The following CTSC variants were observed in gnomAD, a reference collection of about 807,000 sequenced individuals.
CTSC encodes dipeptidyl peptidase 1.
Under a neutral mutation model 40.9 loss-of-function variants are expected in CTSC, and 37 were observed. That is an observed-to-expected ratio of 0.91 (90% CI 0.70 to 1.19). The LOEUF is 1.19. Among genes scored for constraint, CTSC ranks in the 50% most tolerant of loss-of-function variants. The pLI is 0.00. For synonymous variants in CTSC, 232 were observed against 207.4 expected (o/e 1.12, Z -1.02); for missense variants, 594 against 567.3 (o/e 1.05, Z -0.48).
At chr11:88,331,625 C>G (rs1938358368) in intron 2 of CTSC, among the ~76,000 whole-genome samples, 1 of 152,062 alleles carries the variant, frequency 6.6e-6, no homozygotes, top group African/African-American at 2.4e-5. Flanking sequence ...TCTTCTTGGG[C>G]TTTTATGGAG....
intron 2 of CTSC, chr11:88,324,799 T>C (rs1409627423): frequency 6.1e-6 from 6 of 985,130 alleles, no homozygotes; most frequent in Non-Finnish European, 7.2e-6. Context: ...GTCATCAAGG[T>C]CCTGAGTGAT....
chr11:88,326,192 A>T (rs1448309261), intron 2 of CTSC: 1 of 1,372,430 alleles, frequency 7.3e-7, no homozygotes, highest in Non-Finnish European at 9.4e-7. Context: ...CTGGTTGTTC[A>T]CATTCCAAAA....
chr11:88,326,349 T>C, intron 2 of CTSC: 1 of 1,613,612 alleles, frequency 6.2e-7, no homozygotes, highest in South Asian at 1.1e-5. Context: ...TACAGGTAGG[T>C]CCACACTGTC....
At chr11:88,296,694 A>G (rs1944302711) in intron 5 of CTSC, 2 of 273,546 alleles carry the variant, frequency 7.3e-6, no homozygotes, top group South Asian at 7.8e-5. Flanking sequence ...ATGAAGGTTT[A>G]TGTCCCTCTA....
intron 2 of CTSC, chr11:88,321,495 A>G (rs1376592774): frequency 6.6e-6 from 1 of 151,866 alleles, no homozygotes. Flanking sequence ...CATGTGTTCT[A>G]TTGTTCAGCT....
intron 2 of CTSC, chr11:88,321,086 G>A (rs1019279046): frequency 1.1e-4 from 109 of 964,732 alleles, no homozygotes; most frequent in Non-Finnish European, 1.2e-4. Flanking sequence ...AAATTACTCA[G>A]ATAAAAGAAC....
intron 1 of CTSC, among the ~76,000 whole-genome samples, chr11:88,335,427 C>T (rs1400148980): frequency 6.6e-6 from 1 of 152,018 alleles, no homozygotes; most frequent in Non-Finnish European, 1.5e-5. Flanking sequence ...TTTAAAAATT[C>T]GCTGGTTATG....
At chr11:88,306,679 C>T (rs1021017253) in intron 4 of CTSC, among the ~76,000 whole-genome samples, 3 of 152,222 alleles carry the variant, frequency 2.0e-5, no homozygotes, top group African/African-American at 7.2e-5. Context: ...AGAGCCACCT[C>T]CACCACTCAA....
chr11:88,302,098 G>A (rs187372484), intron 4 of CTSC, among the ~76,000 whole-genome samples: 29 of 152,232 alleles, frequency 1.9e-4, no homozygotes, highest in African/African-American at 6.5e-4. Flanking sequence ...TAGGGCACTA[G>A]TCACAATGTG....
intron 4 of CTSC, among the ~76,000 whole-genome samples, chr11:88,307,636 T>G (rs1001438074): frequency 6.6e-6 from 1 of 150,766 alleles, no homozygotes; most frequent in African/African-American, 2.4e-5. Context: ...TGGCAAATTT[T>G]ACAGTTACTG....
chr11:88,321,748 T>G (rs1012293739), intron 2 of CTSC: 2 of 152,216 alleles, frequency 1.3e-5, no homozygotes, highest in Admixed American at 6.5e-5. Context: ...AACATACATG[T>G]GCATGTATCT....
At position 88,294,212 on chromosome 11, in the gene CTSC, G is replaced by T; in HGVS notation, c.1186C>A (p.Pro396Thr). The T allele has an allele frequency of 6.2e-7, 1 of 1,613,902 alleles. No homozygotes were observed. Among genetic ancestry groups the T allele is most frequent in the Non-Finnish European group, 8.5e-7 (1 of 1,179,974 alleles). Residue 396 changes from proline (P) to threonine (T), a missense_variant, in exon 7 of 7, where the codon CCT becomes ACT. Physicochemically the swap from Pro to Thr is conservative, Grantham distance 38. Coordinates refer to ENST00000227266, the MANE Select transcript of CTSC (RefSeq NM_001814.6). ...TTAGTCAGCTCAAAGGGGTTGAAAG[G>T]GTCTCTTAGACCAGTGTGGTGGTAG... ...GIYHHTGLRD[P>T]FNPFELTNHA...
intron 5 of CTSC, chr11:88,298,347 C>G (rs1388561151): frequency 6.6e-6 from 1 of 152,162 alleles, no homozygotes; most frequent in Non-Finnish European, 1.5e-5. Flanking sequence ...CCTCTCATAC[C>G]TCAAAGTATT....
intron 2 of CTSC, among the ~76,000 whole-genome samples, chr11:88,319,366 T>TTGCTTTAGAAGCACATGCATCTGAAG: frequency 6.6e-6 from 1 of 152,160 alleles, no homozygotes; most frequent in Non-Finnish European, 1.5e-5. Flanking sequence ...AGTTAAAATT[T>TTGCTTTAGAAGCACATGCATCTGAAG]GTCTATTAAA....
At chr11:88,313,147 G>T (rs1937802169) in intron 2 of CTSC, among the ~76,000 whole-genome samples, 1 of 152,158 alleles carries the variant, frequency 6.6e-6, no homozygotes, top group African/African-American at 2.4e-5. Flanking sequence ...TTGGCTCACT[G>T]CAACTTGCAC....
intron 2 of CTSC, among the ~76,000 whole-genome samples, chr11:88,320,591 T>C (rs1338403842): frequency 6.6e-6 from 1 of 152,224 alleles, no homozygotes; most frequent in African/African-American, 2.4e-5. Flanking sequence ...TTTAGTAGTT[T>C]TGAAAGTTAG....
chr11:88,336,155 G>T (rs217079), intron 1 of CTSC, among the ~76,000 whole-genome samples: 118,599 of 150,946 alleles, frequency 0.79, 46,854 homozygotes, highest in East Asian at 1. Flanking sequence ...ATGTTTGAGA[G>T]TAATGCTCTG....
At position 88,336,242 on chromosome 11, in the gene CTSC, A is replaced by G. The variant is rs1938489672; in HGVS notation, c.173-1160T>C. Among the ~76,000 whole-genome samples the G allele has an allele frequency of 3.4e-5, 5 of 146,004 alleles. No individual in the cohort carries two copies. The Admixed American group carries it at 3.4e-4, about 10-fold the overall frequency. On this transcript the variant is annotated intron_variant, in intron 1 of 6. Transcript: ENST00000227266. ...CCCAACCTTCAAACTCAAATTTAAAAAAAAAAAAAAAAAAAAGGCCAGGCG... is the reference window on the plus strand; with the variant it reads ...CCCAACCTTCAAACTCAAATTTAAAGAAAAAAAAAAAAAAAAGGCCAGGCG...
intron 5 of CTSC, chr11:88,299,731 C>G (rs928261513): frequency 1.3e-5 from 2 of 152,134 alleles, no homozygotes; most frequent in Admixed American, 1.3e-4. Flanking sequence ...AATACTAAAC[C>G]TATTTTATAG....
Sources: allele counts gnomAD v4.1 joint callset (sites outside exome capture counted in the v4.1 genomes callset), GRCh38; gene constraint gnomAD v4.1.1; transcripts MANE v1.5; gene names NCBI Gene and HGNC (gene_info 2026-07-23, HGNC 2026-07-21).